SLITRK1: variants seen among roughly 807,000 people sequenced by gnomAD.
SLITRK1 encodes the protein SLIT and NTRK-like protein 1.
SLITRK1 carries 10 observed loss-of-function variants against 42.4 expected under a neutral mutation model. The ratio of observed to expected loss-of-function variants is 0.24; its 90% confidence interval spans 0.15 to 0.40. The LOEUF (loss-of-function observed/expected upper bound fraction) is 0.40. Among genes scored for constraint, SLITRK1 ranks in the 10% least tolerant of loss-of-function variants. The probability of loss-of-function intolerance (pLI) is 1.00; values close to 1 mark genes in which losing one functional copy is unlikely to be tolerated. For synonymous variants in SLITRK1, 389 were observed against 365.7 expected (o/e 1.06, Z -0.73); for missense variants, 778 against 848.8 (o/e 0.92, Z 1.04).
chr13:83,879,283 G>A lies in SLITRK1; in HGVS notation c.*134C>T, dbSNP rs1884754236. The A allele has an allele frequency of 1.8e-6, 2 of 1,102,498 alleles. No homozygotes were observed. Among genetic ancestry groups the A allele is most frequent in the African/African-American group, 1.5e-5 (1 of 64,834 alleles). The allele number at this position is 1,102,498 out of a possible 1,614,324, so 68.3% of individuals were successfully genotyped here. On this transcript the variant is annotated 3_prime_UTR_variant, in exon 2 of 2. Transcript: ENST00000674365. ...GCCCTTTCGGTTGTGCGAGCTCACA[G>A]TTATTTATCTACTTATGCCCATCCA... is the stretch of plus-strand genomic sequence containing the variant.
At position 83,881,305 on chromosome 13, in the gene SLITRK1, T is replaced by C. The variant is rs1228122404; in HGVS notation, c.203A>G (p.Asn68Ser). ...SQFYHLFLHG[N>S]SLTRLFPNEF... ...ATTAGGGAAAAGTCGAGTGAGGGAA[T>C]TGCCATGCAGAAATAAATGGTAAAA... Residue 68 changes from asparagine to serine, a missense_variant, in exon 2 of 2, where the codon AAT (asparagine) becomes AGT (serine). This residue lies in a region of SLITRK1 where 204 missense variants were observed against 295.3 expected (regional missense o/e 0.69). Coordinates refer to ENST00000674365, the MANE Select transcript of SLITRK1 (RefSeq NM_001281503.2). The C allele has an allele frequency of 1.9e-6, 3 of 1,614,030 alleles. No individual in the cohort carries two copies. Among genetic ancestry groups the C allele is most frequent in the Non-Finnish European group, 2.5e-6 (3 of 1,180,040 alleles).
In SLITRK1 at chr13:83,880,674, T is replaced by C. The variant is rs1884794548; in HGVS notation, c.834A>G (p.Glu278=). The C allele has an allele frequency of 6.2e-7, 1 of 1,614,010 alleles. No homozygotes were observed. Among genetic ancestry groups the C allele is most frequent in the Admixed American group, 1.7e-5 (1 of 59,994 alleles). Residue 278 remains glutamate, a synonymous_variant, in exon 2 of 2, where the codon GAA becomes GAG. Transcript: ENST00000674365. ...GCAGGGGTCCAGGAGCAAAGGTCTC[T>C]TCTTGGGCAGGGGGCGCCGGGAGAC... ...DSSLPAPPAQ[E]ETFAPGPLPT...
rs1473170144 is a variant in SLITRK1 at position 83,879,651 on chromosome 13, C to T, written c.1857G>A (p.Val619=). Reference sequence around the variant, plus strand: ...ACACCAGCAGCAGTCCCGGGACCAACACCGAGATGGACACCCTGCTGGTGT... The same window carrying T: ...ACACCAGCAGCAGTCCCGGGACCAATACCGAGATGGACACCCTGCTGGTGT... ...YLDTSRVSIS[V]LVPGLLLVFV... The change falls in exon 2 of 2, where the codon GTG becomes GTA. Residue 619 remains valine (V), a synonymous_variant. Coordinates refer to ENST00000674365, the MANE Select transcript of SLITRK1 (RefSeq NM_001281503.2). 1 of 1,613,880 alleles carries T rather than the reference C, an allele frequency of 6.2e-7. No homozygotes were observed.
At position 83,880,654 on chromosome 13, in the gene SLITRK1, G is replaced by T. The variant is rs1415896055; in HGVS notation, c.854C>A (p.Pro285His). The change falls in exon 2 of 2, where the codon CCC becomes CAC. Residue 285 changes from proline to histidine, a missense_variant. Transcript: ENST00000674365. ...ATTTGTCTTGAAAGGAGTTGGCAGG[G>T]GTCCAGGAGCAAAGGTCTCTTCTTG... ...PAQEETFAPG[P>H]LPTPFKTNGQ... is the part of the protein sequence containing the mutation. 5 of 1,614,054 alleles carry T rather than the reference G, an allele frequency of 3.1e-6. No individual in the cohort carries two copies. Among genetic ancestry groups the T allele is most frequent in the Non-Finnish European group, 3.4e-6 (4 of 1,180,020 alleles).
chr13:83,880,236 G>A lies in SLITRK1; in HGVS notation c.1272C>T (p.Asp424=), dbSNP rs769689046. ...TGCTATCCATGTATAGCCACCTGAGGTCCAAAAGGTTCTTGAAAGTGTTGT... is the reference window on the plus strand; with the variant it reads ...TGCTATCCATGTATAGCCACCTGAGATCCAAAAGGTTCTTGAAAGTGTTGT... ...VENNTFKNLL[D]LRWLYMDSNY... is the part of the protein sequence containing the mutation. Residue 424 remains aspartate (D), a synonymous_variant, in exon 2 of 2, where the codon GAC becomes GAT. Transcript: ENST00000674365. The A allele has an allele frequency of 3.7e-6, 6 of 1,614,058 alleles. No homozygotes were observed. In the Admixed American group the frequency reaches 8.3e-5, roughly 22 times the overall value.
chr13:83,880,608 T>C lies in SLITRK1; in HGVS notation c.900A>G (p.Thr300=). The C allele has an allele frequency of 6.2e-7, 1 of 1,614,126 alleles. No individual in the cohort carries two copies. Among genetic ancestry groups the C allele is most frequent in the East Asian group, 2.2e-5 (1 of 44,870 alleles). ...FKTNGQEDHA[T]PGSAPNGGTK... ...TACCTCCGTTTGGAGCAGACCCTGGTGTGGCATGATCCTCTTGCCCATTTG... is the reference window on the plus strand; with the variant it reads ...TACCTCCGTTTGGAGCAGACCCTGGCGTGGCATGATCCTCTTGCCCATTTG... The change falls in exon 2 of 2, where the codon ACA becomes ACG. Residue 300 remains threonine (T), a synonymous_variant. Coordinates refer to ENST00000674365, the MANE Select transcript of SLITRK1 (RefSeq NM_001281503.2).
rs907580983 is a variant in SLITRK1, at chr13:83,879,795, G to A, written c.1713C>T (p.Leu571=). 1.9e-6 allele frequency: 3 copies of A among 1,613,900 alleles called. No homozygotes were observed. Among genetic ancestry groups the A allele is most frequent in the Non-Finnish European group, 2.5e-6 (3 of 1,180,018 alleles). ...PVNFFRKDFM[L]LSNDEICPQL... is the part of the protein sequence containing the mutation. Reference sequence around the variant, plus strand: ...GAGGGCAGATCTCGTCATTGGAGAGGAGCATGAAATCCTTTCTAAAGAAGT... The same window carrying A: ...GAGGGCAGATCTCGTCATTGGAGAGAAGCATGAAATCCTTTCTAAAGAAGT... The change falls in exon 2 of 2, where the codon CTC becomes CTT. Residue 571 remains leucine (L), a synonymous_variant. Transcript: ENST00000674365.
Position 83,880,387 on chromosome 13 carries a change from A to G in SLITRK1, c.1121T>C (p.Leu374Pro), listed in dbSNP as rs760171615. 1 of 1,613,822 alleles carries G rather than the reference A, an allele frequency of 6.2e-7. No individual in the cohort carries two copies. Among genetic ancestry groups the G allele is most frequent in the South Asian group, 1.1e-5 (1 of 91,064 alleles). ...VSSLADLKPK[L>P]SNVQELFLRD... ...TAGGAAAAGCTCCTGCACGTTAGAGAGCTTGGGCTTCAAATCAGCCAAGCT... is the reference window on the plus strand; with the variant it reads ...TAGGAAAAGCTCCTGCACGTTAGAGGGCTTGGGCTTCAAATCAGCCAAGCT... Residue 374 changes from leucine (L) to proline (P), a missense_variant, in exon 2 of 2, where the codon CTC (leucine) becomes CCC (proline). Coordinates refer to ENST00000674365, the MANE Select transcript of SLITRK1 (RefSeq NM_001281503.2).
In SLITRK1 at chr13:83,881,297, T is replaced by A; in HGVS notation, c.211A>T (p.Thr71Ser). Residue 71 changes from threonine (T) to serine (S), a missense_variant, in exon 2 of 2, where the codon ACT becomes TCT. Coordinates refer to ENST00000674365, the MANE Select transcript of SLITRK1 (RefSeq NM_001281503.2). ...YHLFLHGNSL[T>S]RLFPNEFANF... is the part of the protein sequence containing the mutation. ...GCGAACTCATTAGGGAAAAGTCGAG[T>A]GAGGGAATTGCCATGCAGAAATAAA... 7 of 1,614,034 alleles carry A rather than the reference T, an allele frequency of 4.3e-6. No individual in the cohort carries two copies. The highest frequency in any genetic ancestry group is 5.9e-6 in the Non-Finnish European group (7 of 1,180,024).
At position 83,880,432 on chromosome 13, in the gene SLITRK1, C is replaced by T. The variant is rs1434084069; in HGVS notation, c.1076G>A (p.Cys359Tyr). 1.2e-6 allele frequency: 2 copies of T among 1,613,930 alleles called. No individual in the cohort carries two copies. Among genetic ancestry groups the T allele is most frequent in the Non-Finnish European group, 1.7e-6 (2 of 1,180,006 alleles). ...HIPGSGLKMN[C>Y]NNRNVSSLAD... ...CAAGCTGCTCACGTTCCTGTTGTTG[C>T]AGTTCATCTTTAAACCCGACCCTGG... is the stretch of plus-strand genomic sequence containing the variant. The change falls in exon 2 of 2, where the codon TGC becomes TAC. Residue 359 changes from cysteine (C) to tyrosine (Y), a missense_variant. Coordinates refer to ENST00000674365, the MANE Select transcript of SLITRK1 (RefSeq NM_001281503.2).
Position 83,881,418 on chromosome 13 carries a change from G to A in SLITRK1, c.90C>T (p.Ser30=). The change falls in exon 2 of 2, where the codon TCC becomes TCT. Residue 30 remains serine (S), a synonymous_variant. Coordinates refer to ENST00000674365, the MANE Select transcript of SLITRK1 (RefSeq NM_001281503.2). ...GTAGGTCCCCTTCTATCTCATTGCA[G>A]GAACAGATCTTCTCTTTGCAAACGT... The part of the protein sequence containing the change: ...TGDVCKEKIC[S]CNEIEGDLHV... The A allele has an allele frequency of 4.3e-6, 7 of 1,613,692 alleles. No homozygotes were observed. The highest frequency in any genetic ancestry group is 5.9e-6 in the Non-Finnish European group (7 of 1,179,936).
rs184198908 is a variant in SLITRK1, at chr13:83,881,043, C to T, written c.465G>A (p.Lys155=). 214 of 1,613,998 alleles carry T rather than the reference C, an allele frequency of 1.3e-4. No homozygotes were observed. The East Asian group carries it at 4.7e-3, about 35-fold the overall frequency. ...IDPGAFQDLN[K]LEVLILNDNL... is the part of the protein sequence containing the mutation. The stretch of plus-strand genomic sequence containing the variant: ...TGTCATTTAAAATGAGCACCTCCAG[C>T]TTGTTCAAGTCCTGGAAGGCCCCCG... Residue 155 remains lysine, a synonymous_variant, in exon 2 of 2, where the codon AAG becomes AAA. Transcript: ENST00000674365.
Position 83,880,685 on chromosome 13 carries a change from G to C in SLITRK1, c.823C>G (p.Pro275Ala). 1 of 1,614,076 alleles carries C rather than the reference G, an allele frequency of 6.2e-7. No homozygotes were observed. The change falls in exon 2 of 2, where the codon CCT (proline) becomes GCT (alanine). Residue 275 changes from proline to alanine, a missense_variant. Around this residue, in one of 4 missense-constraint regions of SLITRK1, gnomAD observed 395 missense variants for 360.4 expected, o/e 1.10. Coordinates refer to ENST00000674365, the MANE Select transcript of SLITRK1 (RefSeq NM_001281503.2). ...GGAGCAAAGGTCTCTTCTTGGGCAG[G>C]GGGCGCCGGGAGACTAGAATCCACT... ...NRVDSSLPAP[P>A]AQEETFAPGP...
Position 83,880,914 on chromosome 13 carries a change from C to CAAG in SLITRK1, c.591_593dup (p.Val197_Leu198insPhe). 1 of 1,613,988 alleles carries CAAG rather than the reference C, an allele frequency of 6.2e-7. No individual in the cohort carries two copies. The highest frequency in any genetic ancestry group is 8.5e-7 in the Non-Finnish European group (1 of 1,180,018). ...TCTCCGCAATACCAGGGATTTGCTC[C>CAAG]AAGACCTCCTCATAGGGCAGCGTTT... On this transcript the variant is annotated inframe_insertion, in exon 2 of 2. Transcript: ENST00000674365.
rs760197883 is a variant in SLITRK1, at chr13:83,882,377, G to A, written c.-427C>T. On this transcript the variant is annotated 5_prime_UTR_variant, in exon 1 of 2. Coordinates refer to ENST00000674365, the MANE Select transcript of SLITRK1 (RefSeq NM_001281503.2). ...GGAGGGCGGGGGGCGAGTTGTCTGA[G>A]GGAGGAAGAGAGCGCGAGAATGAGG... 1 of 151,614 alleles carries A rather than the reference G, an allele frequency of 6.6e-6. No homozygotes were observed. Among genetic ancestry groups the A allele is most frequent in the Middle Eastern group, 3.4e-3 (1 of 296 alleles). 9.4% of individuals were successfully genotyped at this position (151,614 alleles called of 1,614,324 possible).
rs1416860247 is a variant in SLITRK1 at position 83,880,641 on chromosome 13, A to G, written c.867T>C (p.Pro289=). ...ETFAPGPLPT[P]FKTNGQEDHA... ...GATCCTCTTGCCCATTTGTCTTGAA[A>G]GGAGTTGGCAGGGGTCCAGGAGCAA... Residue 289 remains proline, a synonymous_variant, in exon 2 of 2, where the codon CCT becomes CCC. Coordinates refer to ENST00000674365, the MANE Select transcript of SLITRK1 (RefSeq NM_001281503.2). The G allele has an allele frequency of 6.2e-7, 1 of 1,614,080 alleles. No individual in the cohort carries two copies. The highest frequency in any genetic ancestry group is 1.7e-5 in the Admixed American group (1 of 59,996).
rs763159236 is a variant in SLITRK1, at chr13:83,879,933, G to A, written c.1575C>T (p.Asp525=). 2 of 1,614,122 alleles carry A rather than the reference G, an allele frequency of 1.2e-6. No individual in the cohort carries two copies. The highest frequency in any genetic ancestry group is 3.3e-5 in the Admixed American group (2 of 60,018). ...LDQLTSIIQI[D]LHGNPWECSC... ...AGCACTCCCAGGGGTTTCCGTGGAGGTCTATCTGGATGATGGAGGTTAACT... is the reference window on the plus strand; with the variant it reads ...AGCACTCCCAGGGGTTTCCGTGGAGATCTATCTGGATGATGGAGGTTAACT... Residue 525 remains aspartate, a synonymous_variant, in exon 2 of 2, where the codon GAC becomes GAT. Transcript: ENST00000674365.
chr13:83,879,771 A>T lies in SLITRK1; in HGVS notation c.1737T>A (p.Pro579=). ...TGGGCGAGATCCTAGCGTACAGCTG[A>T]GGGCAGATCTCGTCATTGGAGAGGA... The part of the protein sequence containing the change: ...FMLLSNDEIC[P]QLYARISPTL... The change falls in exon 2 of 2, where the codon CCT becomes CCA. Residue 579 remains proline, a synonymous_variant. Transcript: ENST00000674365. 1.9e-6 allele frequency: 3 copies of T among 1,614,074 alleles called. No individual in the cohort carries two copies. The highest frequency in any genetic ancestry group is 2.5e-6 in the Non-Finnish European group (3 of 1,180,010).
chr13:83,880,990 A>G lies in SLITRK1; in HGVS notation c.518T>C (p.Val173Ala). 2.5e-6 allele frequency: 4 copies of G among 1,613,996 alleles called. No homozygotes were observed. Among genetic ancestry groups the G allele is most frequent in the Non-Finnish European group, 3.4e-6 (4 of 1,180,008 alleles). ...GTGGGTGATGGGCACATACTGGAAC[A>G]CGTTGGCAGGTAGGGTGCTGATGAG... ...DNLISTLPAN[V>A]FQYVPITHLD... The change falls in exon 2 of 2, where the codon GTG becomes GCG. Residue 173 changes from valine to alanine, a missense_variant. Coordinates refer to ENST00000674365, the MANE Select transcript of SLITRK1 (RefSeq NM_001281503.2).
Sources: allele counts gnomAD v4.1 joint callset, GRCh38; gene constraint gnomAD v4.1.1; regional missense constraint gnomAD v4.1.1; transcripts MANE v1.5; gene names NCBI Gene and HGNC (gene_info 2026-07-23, HGNC 2026-07-21).